The following KAZN variants were observed in gnomAD, a reference collection of about 807,000 sequenced individuals.
KAZN encodes the protein kazrin, periplakin interacting protein, also known as kazrin.
In KAZN, 40 loss-of-function variants were observed where a neutral mutation model predicts 87.4. That is an observed-to-expected ratio of 0.46 (90% confidence interval 0.36 to 0.60). The LOEUF is 0.60. Ranked by LOEUF, KAZN falls within the 20% of genes least tolerant of loss-of-function variation. The pLI is 0.00. For missense variants in KAZN, 898 were observed against 1,073.9 expected (o/e 0.84, Z 2.29); for synonymous variants, 466 against 458.3 (o/e 1.02, Z -0.22).
At chr1:14,318,218 C>T (rs1175396730) in intron 2 of KAZN, among the ~76,000 whole-genome samples, 1 of 152,006 alleles carries the variant, frequency 6.6e-6, no homozygotes, top group Non-Finnish European at 1.5e-5. Flanking sequence ...GAAGAATTTC[C>T]TCTCACATCT....
intron 1 of KAZN, among the ~76,000 whole-genome samples, chr1:14,604,217 C>T (rs1024998237): frequency 6.6e-6 from 1 of 152,148 alleles, no homozygotes; most frequent in African/African-American, 2.4e-5. Flanking sequence ...CGCCAGCAGT[C>T]ATTGCACTGC....
At chr1:14,538,925 A>G (rs1672652427) in intron 2 of KAZN, among the ~76,000 whole-genome samples, 2 of 152,168 alleles carry the variant, frequency 1.3e-5, no homozygotes, top group Non-Finnish European at 2.9e-5. Context: ...CTTGCTGGCC[A>G]GGAATTTACC....
At chr1:14,726,439 T>A (rs1643387240) in intron 1 of KAZN, among the ~76,000 whole-genome samples, 1 of 152,158 alleles carries the variant, frequency 6.6e-6, no homozygotes, top group Non-Finnish European at 1.5e-5. Flanking sequence ...TGGAGCGGCT[T>A]CCGGGTGTGT....
At chr1:14,535,406 G>A (rs531786637) in intron 2 of KAZN, among the ~76,000 whole-genome samples, 49 of 152,324 alleles carry the variant, frequency 3.2e-4, no homozygotes, top group South Asian at 1.0e-3. Flanking sequence ...GTGGGCTCAC[G>A]CCTGTAATCC....
chr1:14,554,130 G>A (rs1673716163), intron 2 of KAZN, among the ~76,000 whole-genome samples: 1 of 152,134 alleles, frequency 6.6e-6, no homozygotes, highest in Admixed American at 6.5e-5. Context: ...GAGCCTCGGT[G>A]ACCTCATTTC....
intron 1 of KAZN, among the ~76,000 whole-genome samples, chr1:14,112,356 G>C (rs1052522312): frequency 1.2e-5 from 1 of 84,582 alleles, no homozygotes; most frequent in Non-Finnish European, 2.4e-5. Context: ...GTGACCATAT[G>C]GTAGTGAGGA....
At chr1:14,516,664 G>A (rs891112863) in intron 2 of KAZN, among the ~76,000 whole-genome samples, 2 of 152,198 alleles carry the variant, frequency 1.3e-5, no homozygotes. Flanking sequence ...TATGTTTGAA[G>A]CTCTGACTCT....
At chr1:15,098,800 C>G (rs1432756967) in intron 10 of KAZN, among the ~76,000 whole-genome samples, 1 of 152,352 alleles carries the variant, frequency 6.6e-6, no homozygotes, top group South Asian at 2.1e-4. Context: ...GGGCAGATGA[C>G]CCGCTCACCC....
At chr1:14,986,299 A>C (rs1231755214) in intron 2 of KAZN, among the ~76,000 whole-genome samples, 1 of 152,092 alleles carries the variant, frequency 6.6e-6, no homozygotes, top group African/African-American at 2.4e-5. Context: ...CCTCGTCCTG[A>C]GTGCTTGTCT....
At chr1:14,144,433 T>C (rs749858577) in intron 1 of KAZN, among the ~76,000 whole-genome samples, 14 of 152,116 alleles carry the variant, frequency 9.2e-5, no homozygotes, top group Non-Finnish European at 1.8e-4. Context: ...TTAGTTTCTC[T>C]CTTAGTTACT....
intron 1 of KAZN, among the ~76,000 whole-genome samples, chr1:14,839,922 T>C (rs1647741380): frequency 6.6e-6 from 1 of 152,146 alleles, no homozygotes. Context: ...GTTGCAATAA[T>C]TCTGGGGGAG....
chr1:14,045,280 GT>G (rs749076188), intron 1 of KAZN, among the ~76,000 whole-genome samples: 7 of 152,208 alleles, frequency 4.6e-5, no homozygotes, highest in Non-Finnish European at 7.3e-5. Context: ...AATGTATCCA[GT>G]GGCTTCAGTA....
intron 2 of KAZN, among the ~76,000 whole-genome samples, chr1:14,569,320 C>T (rs1465108910): frequency 1.8e-4 from 17 of 92,328 alleles, no homozygotes; most frequent in South Asian, 4.2e-4. Flanking sequence ...ACTTCCTCTG[C>T]TTTTTTTTTT....
At chr1:13,996,770 T>C (rs2101127410) in intron 1 of KAZN, among the ~76,000 whole-genome samples, 1 of 152,338 alleles carries the variant, frequency 6.6e-6, no homozygotes, top group Middle Eastern at 3.4e-3. Flanking sequence ...TAGCCTTTCC[T>C]CCTGATAGTT....
intron 1 of KAZN, chr1:14,929,806 G>C (rs1038578809): frequency 1.8e-5 from 18 of 985,334 alleles, no homozygotes; most frequent in African/African-American, 1.7e-4. Flanking sequence ...TCAAGGGAGA[G>C]GGAAGGTCAG....
rs1033319962 is a variant in KAZN, at chr1:15,112,132, G to C, written c.2049-295G>C. ...TTGGAGTGTCAGAAGCCTGAGTTCA[G>C]ATCTTGATTCTGCCGCTAACAGCTG... On this transcript the variant is annotated intron_variant, in intron 13 of 14. Transcript: ENST00000376030. The C allele has an allele frequency of 3.3e-4, 152 of 458,726 alleles. 1 individual carries two copies. The highest frequency in any genetic ancestry group is 9.6e-5 in the Non-Finnish European group (24 of 250,998). The allele number at this position is 458,726 out of a possible 1,614,324, so 28.4% of individuals were successfully genotyped here.
intron 1 of KAZN, among the ~76,000 whole-genome samples, chr1:14,792,746 G>C (rs193234151): frequency 6.6e-6 from 1 of 152,322 alleles, no homozygotes; most frequent in Non-Finnish European, 1.5e-5. Context: ...GGGAGGCCGA[G>C]GTAGGCAGAT....
At chr1:14,391,045 G>A (rs1164629587) in intron 2 of KAZN, among the ~76,000 whole-genome samples, 1 of 152,232 alleles carries the variant, frequency 6.6e-6, no homozygotes, top group African/African-American at 2.4e-5. Context: ...GAACTGGCTT[G>A]GGTGTTAACA....
chr1:14,149,050 C>T (rs543925046), intron 1 of KAZN, among the ~76,000 whole-genome samples: 4 of 103,644 alleles, frequency 3.9e-5, no homozygotes, highest in South Asian at 7.0e-4. Context: ...TGCCTGCCTG[C>T]CTGCCTTCCT....
Sources: gnomAD v4.1 joint callset for allele counts (sites outside exome capture counted in the v4.1 genomes callset) on GRCh38, gnomAD v4.1.1 for gene constraint, MANE v1.5 for transcripts, NCBI Gene and HGNC (gene_info 2026-07-23, HGNC 2026-07-21) for gene names.